The following SH2D1B variants were observed in gnomAD, a reference collection of about 807,000 sequenced individuals.
The protein encoded by SH2D1B is SH2 domain-containing protein 1B.
A neutral mutation model predicts 16.3 loss-of-function variants in SH2D1B; 11 were observed. The observed-to-expected ratio is 0.67, with a 90% CI of 0.42 to 1.11. The LOEUF (loss-of-function observed/expected upper bound fraction) is 1.11. Ranked by LOEUF, SH2D1B falls within the 50% of genes most tolerant of loss-of-function variation. SH2D1B has a pLI of 0.00. For synonymous variants in SH2D1B, 55 were observed against 56.1 expected, an observed-to-expected ratio of 0.98 and a Z score of 0.09; for missense variants, 123 against 153.1, an observed-to-expected ratio of 0.80 and a Z score of 1.04.
rs570290923 is a variant in SH2D1B at position 162,398,997 on chromosome 1, G to T, written c.289C>A (p.Leu97Ile). 2 of 1,613,958 alleles carry T rather than the reference G, an allele frequency of 1.2e-6. No homozygotes were observed. Among genetic ancestry groups the T allele is most frequent in the South Asian group, 1.1e-5 (1 of 91,042 alleles). Reference protein sequence around the residue: ...EKPNQGMVVHLLKPIKRTSPS... With the variant: ...EKPNQGMVVHILKPIKRTSPS... ...CTGGTTCTCTTTATTGGCTTTAAAAGGTGAACCACCATCCCCTGATTTGGT... is the reference window on the plus strand; with the variant it reads ...CTGGTTCTCTTTATTGGCTTTAAAATGTGAACCACCATCCCCTGATTTGGT... Residue 97 changes from leucine to isoleucine, a missense_variant, in exon 3 of 4, where the codon CTT becomes ATT. Physicochemically the swap from Leu to Ile is conservative, Grantham distance 5 (BLOSUM62 2). Coordinates refer to ENST00000367929, the MANE Select transcript of SH2D1B (RefSeq NM_053282.5).
In SH2D1B at chr1:162,407,680, G is replaced by A. The variant is rs559395164; in HGVS notation, c.134+4203C>T. Among the ~76,000 whole-genome samples the A allele has an allele frequency of 4.6e-5, 7 of 152,300 alleles. No individual in the cohort carries two copies. The South Asian group carries it at 1.5e-3, about 32-fold the overall frequency. On this transcript the variant is annotated intron_variant, in intron 1 of 3. Transcript: ENST00000367929. ...CATAATAGTAATTCTTGCTTTGCTT[G>A]CAAAGGGTTGTATCTTGAAGCATGA...
rs1180127954 is a variant in SH2D1B at position 162,412,025 on chromosome 1, C to T, written c.-9G>A. The T allele has an allele frequency of 5.0e-6, 8 of 1,613,940 alleles. No individual in the cohort carries two copies. Among genetic ancestry groups the T allele is most frequent in the Non-Finnish European group, 6.8e-6 (8 of 1,179,898 alleles). On this transcript the variant is annotated 5_prime_UTR_variant, in exon 1 of 4. Transcript: ENST00000367929. ...TAGTAAGGCAGATCCATGGAGAACG[C>T]TCTTGTATCCCAGGAAGCCCTGTTG...
At chr1:162,400,314 C>G (rs1166826004) in intron 2 of SH2D1B, among the ~76,000 whole-genome samples, 1 of 111,084 alleles carries the variant, frequency 9.0e-6, no homozygotes, top group Non-Finnish European at 1.7e-5. Flanking sequence ...TTTTTTGAGA[C>G]GGAGTCTCAC....
rs1006230355 is a variant in SH2D1B, at chr1:162,396,661, G to C, written c.*619C>G. On this transcript the variant is annotated 3_prime_UTR_variant, in exon 4 of 4. Coordinates refer to ENST00000367929, the MANE Select transcript of SH2D1B (RefSeq NM_053282.5). ...GTTTAAGATTAGAAAGAACCAGGAG[G>C]AGAGTAGCCCAGGCTGGAGGGAGAA... The C allele has an allele frequency of 5.2e-5, 8 of 152,652 alleles. No individual in the cohort carries two copies. Among genetic ancestry groups the C allele is most frequent in the African/African-American group, 1.9e-4 (8 of 41,476 alleles). 9.5% of individuals were successfully genotyped at this position (152,652 alleles called of 1,614,324 possible). A position where few individuals can be genotyped will look rare whatever the true frequency, so the allele number is the denominator to read the frequency against.
chr1:162,402,824 G>T (rs764065254), intron 1 of SH2D1B, 22 bp from the exon 2 acceptor site: 16 of 1,585,896 alleles, frequency 1.0e-5, no homozygotes, highest in Non-Finnish European at 1.4e-5. Flanking sequence ...ATGACTGTGT[G>T]AATCAAAATG....
intron 2 of SH2D1B, among the ~76,000 whole-genome samples, chr1:162,399,350 G>C (rs348625): frequency 1 from 151,911 of 152,304 alleles, 75,760 homozygotes; most frequent in Middle Eastern, 1. Context: ...CCATCCTTGG[G>C]AAGTTTACCT....
intron 1 of SH2D1B, among the ~76,000 whole-genome samples, chr1:162,403,688 G>T (rs1648585414): frequency 9.8e-6 from 1 of 102,374 alleles, no homozygotes. Flanking sequence ...ATTAATAGAT[G>T]AATGAAGAAA....
intron 2 of SH2D1B, chr1:162,402,466 C>G (rs1002611658): frequency 4.3e-6 from 1 of 234,826 alleles, no homozygotes; most frequent in Non-Finnish European, 8.2e-6. Flanking sequence ...TGCAGTGAGC[C>G]GAGATCGCAC....
intron 2 of SH2D1B, among the ~76,000 whole-genome samples, chr1:162,400,076 G>GCC (rs1648474898): frequency 6.6e-6 from 1 of 152,122 alleles, no homozygotes; most frequent in Non-Finnish European, 1.5e-5. Context: ...TCACTGATGG[G>GCC]CATTTAGGTT....
chr1:162,397,438 G>A, intron 3 of SH2D1B, 123 bp from the exon 4 acceptor site: 2 of 992,398 alleles, frequency 2.0e-6, no homozygotes, highest in Non-Finnish European at 1.5e-6. Flanking sequence ...GATGCCACCT[G>A]AAAGTTGTAT....
intron 1 of SH2D1B, among the ~76,000 whole-genome samples, chr1:162,410,708 G>A (rs1210588455): frequency 1.4e-5 from 2 of 148,036 alleles, no homozygotes; most frequent in Non-Finnish European, 3.0e-5. Context: ...CCAGGCTGGA[G>A]TGCAATGGCA....
At chr1:162,403,701 TACACACAC>T (rs57093863) in intron 1 of SH2D1B, among the ~76,000 whole-genome samples, 2,970 of 132,226 alleles carry the variant, frequency 0.022, 80 homozygotes, top group African/African-American at 0.058. Context: ...TGAAGAAAGT[TACACACAC>T]ACACACACAC....
intron 2 of SH2D1B, among the ~76,000 whole-genome samples, chr1:162,400,283 G>A (rs902681730): frequency 1.5e-5 from 2 of 133,628 alleles, no homozygotes; most frequent in African/African-American, 5.4e-5. Flanking sequence ...TATACACCAC[G>A]TACTTTTTTT....
intron 2 of SH2D1B, chr1:162,402,499 C>A (rs886903371): frequency 1.1e-5 from 4 of 351,894 alleles, no homozygotes; most frequent in Non-Finnish European, 2.1e-5. Context: ...GCCTGGACGA[C>A]AGAGCGAGAC....
At chr1:162,411,454 G>GTA (rs1648794089) in intron 1 of SH2D1B, among the ~76,000 whole-genome samples, 1 of 152,206 alleles carries the variant, frequency 6.6e-6, no homozygotes, top group Admixed American at 6.5e-5. Flanking sequence ...AAATATGATT[G>GTA]TATTTATAGT....
chr1:162,408,661 G>A (rs537958779), intron 1 of SH2D1B, among the ~76,000 whole-genome samples: 10 of 152,018 alleles, frequency 6.6e-5, no homozygotes, highest in Admixed American at 1.3e-4. Flanking sequence ...TGATCTGCCC[G>A]CCTCGGCCTC....
At chr1:162,405,262 T>C (rs547179795) in intron 1 of SH2D1B, among the ~76,000 whole-genome samples, 1 of 152,338 alleles carries the variant, frequency 6.6e-6, no homozygotes, top group South Asian at 2.1e-4. Context: ...GCCCAGAGTC[T>C]GGGCATAGGT....
rs759818110 is a variant in SH2D1B, at chr1:162,402,801, A to G, written c.136T>C (p.Phe46Leu). The stretch of plus-strand genomic sequence containing the variant: ...CGGTATGTGTAGACAATATTTTTAA[A>G]CCTGTGGAAAAAATGACTGTGTGAA... ...IPGVLCLCVS[F>L]KNIVYTYRIF... Residue 46 changes from phenylalanine to leucine, a missense_variant and splice_region_variant, in exon 2 of 4, where the codon TTT becomes CTT. By Grantham distance (22) the Phe-to-Leu change is conservative. Coordinates refer to ENST00000367929, the MANE Select transcript of SH2D1B (RefSeq NM_053282.5). 5 of 1,612,812 alleles carry G rather than the reference A, an allele frequency of 3.1e-6. No homozygotes were observed. In the Admixed American group the frequency reaches 8.3e-5, roughly 27 times the overall value.
At position 162,406,711 on chromosome 1, in the gene SH2D1B, C is replaced by T. The variant is rs146925473; in HGVS notation, c.135-3909G>A. On this transcript the variant is annotated intron_variant, in intron 1 of 3. Transcript: ENST00000367929. ...CTTGCAAAAGTCTCAGAATCTGAGA[C>T]TCATAAATGACTCTCAAGGCAATAG... Among the ~76,000 whole-genome samples, 566 of 152,270 alleles carry T rather than the reference C, an allele frequency of 3.7e-3. 3 individuals carry two copies. The highest frequency in any genetic ancestry group is 0.013 in the African/African-American group (524 of 41,544).
Sources: gnomAD v4.1 joint callset for allele counts (sites outside exome capture counted in the v4.1 genomes callset) on GRCh38, gnomAD v4.1.1 for gene constraint, MANE v1.5 for transcripts, NCBI Gene and HGNC (gene_info 2026-07-23, HGNC 2026-07-21) for gene names.